Variants in NAV3 observed in about 807,000 individuals in gnomAD.
NAV3 encodes pore membrane and/or filament interacting like protein 1.
NAV3 carries 87 observed loss-of-function variants against 244.7 expected under a neutral mutation model. The observed-to-expected ratio is 0.36, with a 90% confidence interval of 0.30 to 0.42. NAV3 has a LOEUF of 0.42. Ranked by LOEUF, NAV3 falls within the 20% of genes least tolerant of loss-of-function variation. NAV3 has a pLI of 1.00. For missense variants in NAV3, 2,663 were observed against 2,893.3 expected (o/e 0.92, Z 1.83); for synonymous variants, 1,126 against 1,042.2 (o/e 1.08, Z -1.55).
intron 2 of NAV3, among the ~76,000 whole-genome samples, chr12:77,778,388 G>A (rs1870487709): frequency 6.6e-6 from 1 of 151,592 alleles, no homozygotes; most frequent in Non-Finnish European, 1.5e-5. Flanking sequence ...CAAGGCAGGT[G>A]GATCACGAGG....
chr12:78,203,598 T>C (rs1959967662), intron 38 of NAV3, among the ~76,000 whole-genome samples: 1 of 152,136 alleles, frequency 6.6e-6, no homozygotes, highest in South Asian at 2.1e-4. Context: ...GAAGTTTTTA[T>C]GGTGTTAATG....
Position 77,723,896 on chromosome 12 carries a change from T to G in NAV3, c.72+151630T>G, listed in dbSNP as rs139897052. Among the ~76,000 whole-genome samples, 6 of 151,872 alleles carry G rather than the reference T, an allele frequency of 4.0e-5. No homozygotes were observed. In the East Asian group the frequency reaches 1.2e-3, roughly 29 times the overall value. On this transcript the variant is annotated intron_variant, in intron 2 of 8. Transcript: ENST00000550042. Reference sequence around the variant, plus strand: ...AAAGCCTTTTTCATGTTGAATTGCTTCATACATATGAGATTTAAAGTGATG... The same window carrying G: ...AAAGCCTTTTTCATGTTGAATTGCTGCATACATATGAGATTTAAAGTGATG...
At chr12:77,649,611 G>T (rs1303072962) in intron 2 of NAV3, among the ~76,000 whole-genome samples, 1 of 152,040 alleles carries the variant, frequency 6.6e-6, no homozygotes, top group Admixed American at 6.6e-5. Flanking sequence ...ATAAAAGAAT[G>T]AAATTCATGT....
intron 2 of NAV3, among the ~76,000 whole-genome samples, chr12:77,753,101 T>C (rs1450825724): frequency 6.6e-6 from 1 of 152,206 alleles, no homozygotes; most frequent in East Asian, 1.9e-4. Flanking sequence ...TTCATCCATA[T>C]TTTGGAAGCT....
chr12:77,858,256 A>C (rs1265069762), intron 1 of NAV3, among the ~76,000 whole-genome samples: 2 of 151,998 alleles, frequency 1.3e-5, no homozygotes, highest in African/African-American at 4.8e-5. Context: ...TTCACTGTTC[A>C]TGGGAGGTGG....
chr12:77,937,589 A>G (rs1889447214), intron 1 of NAV3, among the ~76,000 whole-genome samples: 1 of 152,210 alleles, frequency 6.6e-6, no homozygotes, highest in African/African-American at 2.4e-5. Flanking sequence ...GAGACATTAC[A>G]GGTCTGAATG....
At chr12:77,835,348 A>G (rs1874444076) in intron 1 of NAV3, among the ~76,000 whole-genome samples, 1 of 152,198 alleles carries the variant, frequency 6.6e-6, no homozygotes, top group African/African-American at 2.4e-5. Flanking sequence ...GATAGTACCC[A>G]CAATAGACGA....
intron 1 of NAV3, among the ~76,000 whole-genome samples, chr12:77,914,254 C>T (rs1486790767): frequency 1.3e-5 from 2 of 152,032 alleles, no homozygotes; most frequent in Non-Finnish European, 2.9e-5. Context: ...AGTGGTCATG[C>T]CTTTGATTCA....
intron 16 of NAV3, among the ~76,000 whole-genome samples, chr12:78,122,933 T>A (rs1367290010): frequency 1.3e-5 from 2 of 151,430 alleles, no homozygotes; most frequent in African/African-American, 4.9e-5. Flanking sequence ...AAAAATCAAT[T>A]GTCAGCCATG....
chr12:77,722,602 C>T (rs540219127), intron 2 of NAV3, among the ~76,000 whole-genome samples: 1 of 152,142 alleles, frequency 6.6e-6, no homozygotes, highest in Admixed American at 6.6e-5. Flanking sequence ...TATTCTTCTA[C>T]AGTCTGGGAG....
chr12:77,671,971 C>A (rs1873997390), intron 2 of NAV3, among the ~76,000 whole-genome samples: 1 of 152,118 alleles, frequency 6.6e-6, no homozygotes, highest in Admixed American at 6.6e-5. Flanking sequence ...AACAGACAAC[C>A]CACAGAGTGG....
intron 1 of NAV3, among the ~76,000 whole-genome samples, chr12:77,917,864 C>A (rs1196990082): frequency 1.3e-5 from 2 of 151,998 alleles, no homozygotes; most frequent in African/African-American, 4.8e-5. Context: ...TTTCTATATT[C>A]TTGACTAGAC....
intron 2 of NAV3, among the ~76,000 whole-genome samples, chr12:77,782,122 CAA>C: frequency 6.6e-6 from 1 of 152,256 alleles, no homozygotes; most frequent in Non-Finnish European, 1.5e-5. Context: ...AGTCTCCTAA[CAA>C]GAGTCACATC....
rs138166569 is a variant in NAV3, at chr12:77,670,812, C to G, written c.72+98546C>G. ...TTAGGGTAATAAATGCCATCCGTGA[C>G]AAACCCACAGACAACATTATACTGA... On this transcript the variant is annotated intron_variant, in intron 2 of 8. Coordinates refer to the NAV3 transcript ENST00000550042. Among the ~76,000 whole-genome samples the G allele has an allele frequency of 2.2e-4, 34 of 152,188 alleles. No homozygotes were observed. In the East Asian group the frequency reaches 6.4e-3, roughly 28 times the overall value.
chr12:77,752,373 T>TA (rs773528628), intron 2 of NAV3, among the ~76,000 whole-genome samples: 31 of 152,300 alleles, frequency 2.0e-4, no homozygotes, highest in Non-Finnish European at 3.5e-4. Flanking sequence ...ACGCAACTAC[T>TA]ACCTGAATGT....
chr12:78,011,569 G>A (rs1297775233), intron 8 of NAV3, among the ~76,000 whole-genome samples: 2 of 152,116 alleles, frequency 1.3e-5, no homozygotes, highest in Non-Finnish European at 2.9e-5. Context: ...AGGTAAGAAT[G>A]TTGTGCTATC....
At chr12:77,716,418 G>C (rs540455514) in intron 2 of NAV3, among the ~76,000 whole-genome samples, 3 of 151,538 alleles carry the variant, frequency 2.0e-5, no homozygotes, top group Non-Finnish European at 4.4e-5. Context: ...AAAATAAATG[G>C]TACAAGTGGC....
intron 5 of NAV3, among the ~76,000 whole-genome samples, chr12:77,982,371 A>T (rs1363094709): frequency 3.3e-5 from 2 of 61,292 alleles, no homozygotes; most frequent in Non-Finnish European, 9.4e-5. Context: ...TGTGGCTAAG[A>T]TAAAGTGATG....
chr12:78,198,415 G>A (rs761832591), intron 35 of NAV3, among the ~76,000 whole-genome samples, 190 bp from the exon 36 acceptor site: 4 of 151,720 alleles, frequency 2.6e-5, no homozygotes, highest in African/African-American at 9.7e-5. Context: ...TCCAGAACTG[G>A]AATTAGAAAC....
Sources: allele counts gnomAD v4.1 joint callset (sites outside exome capture counted in the v4.1 genomes callset), GRCh38; gene constraint gnomAD v4.1.1; transcripts MANE v1.5; gene names NCBI Gene and HGNC (gene_info 2026-07-23, HGNC 2026-07-21).